PLXDC2: variants seen among roughly 807,000 people sequenced by gnomAD.
PLXDC2 encodes plexin domain-containing protein 2.
PLXDC2 carries 40 observed loss-of-function variants against 68.9 expected under a neutral mutation model. That is an observed-to-expected ratio of 0.58 (90% CI 0.45 to 0.76). The LOEUF (loss-of-function observed/expected upper bound fraction) is 0.76. Ranked by LOEUF, PLXDC2 falls within the 30% of genes least tolerant of loss-of-function variation. The pLI, the probability that PLXDC2 is intolerant of heterozygous loss-of-function variation, is 0.00. For synonymous variants in PLXDC2, 243 were observed against 234.2 expected, an observed-to-expected ratio of 1.04 and a Z score of -0.34; for missense variants, 644 against 661.9, an observed-to-expected ratio of 0.97 and a Z score of 0.30.
intron 12 of PLXDC2, among the ~76,000 whole-genome samples, chr10:20,242,176 TAAGAA>T (rs1835525075): frequency 6.6e-6 from 1 of 151,964 alleles, no homozygotes; most frequent in African/African-American, 2.4e-5. Context: ...CTTATAAAAA[TAAGAA>T]AATAGACAAG....
intron 2 of PLXDC2, among the ~76,000 whole-genome samples, chr10:20,025,679 C>G (rs1835388383): frequency 6.6e-6 from 1 of 151,980 alleles, no homozygotes; most frequent in Non-Finnish European, 1.5e-5. Flanking sequence ...TTGTTGGCTG[C>G]TGGTATGTCT....
intron 1 of PLXDC2, among the ~76,000 whole-genome samples, chr10:19,981,044 A>G (rs542425853): frequency 6.6e-5 from 10 of 152,208 alleles, no homozygotes; most frequent in Non-Finnish European, 1.5e-4. Flanking sequence ...TGTGACAAGT[A>G]TAAGATTTTT....
intron 12 of PLXDC2, among the ~76,000 whole-genome samples, chr10:20,244,188 A>G (rs1322281670): frequency 1.3e-5 from 2 of 152,246 alleles, no homozygotes; most frequent in Non-Finnish European, 2.9e-5. Context: ...GGTGCACTTA[A>G]GATACAACTT....
In PLXDC2 at chr10:20,245,400, C is replaced by A; in HGVS notation, c.1368C>A (p.Leu456=). 1 of 1,614,100 alleles carries A rather than the reference C, an allele frequency of 6.2e-7. No individual in the cohort carries two copies. The highest frequency in any genetic ancestry group is 1.1e-5 in the South Asian group (1 of 91,080). Residue 456 remains leucine (L), a synonymous_variant, in exon 13 of 14, where the codon CTC becomes CTA. Coordinates refer to ENST00000377252, the MANE Select transcript of PLXDC2 (RefSeq NM_032812.9). ...AAGGGGGAACCCTCCACGCTGGCCT[C>A]ATCATTGGAATCCTCATCCTGGTCC... is the stretch of plus-strand genomic sequence containing the variant. ...EKKGGTLHAG[L]IIGILILVLI...
At chr10:20,198,437 TTTTATTTTTAA>T (rs1472896634) in intron 9 of PLXDC2, among the ~76,000 whole-genome samples, 4 of 152,116 alleles carry the variant, frequency 2.6e-5, no homozygotes, top group African/African-American at 7.2e-5. Flanking sequence ...AATCCCAATG[TTTTATTTTTAA>T]TTTATTTTTA....
chr10:19,872,745 G>T (rs1837562774), intron 1 of PLXDC2, among the ~76,000 whole-genome samples: 1 of 152,028 alleles, frequency 6.6e-6, no homozygotes, highest in Non-Finnish European at 1.5e-5. Context: ...GCATCCATGA[G>T]TTCCCTCCAG....
chr10:20,110,959 C>A (rs1833552803), intron 4 of PLXDC2, among the ~76,000 whole-genome samples: 1 of 152,176 alleles, frequency 6.6e-6, no homozygotes, highest in East Asian at 1.9e-4. Flanking sequence ...CCTCTGACAC[C>A]TATTGGGCTC....
intron 13 of PLXDC2, among the ~76,000 whole-genome samples, chr10:20,274,491 T>C (rs1357726299): frequency 6.6e-6 from 1 of 152,126 alleles, no homozygotes; most frequent in African/African-American, 2.4e-5. Flanking sequence ...GAAGGCAACA[T>C]ATCAACGACA....
intron 6 of PLXDC2, among the ~76,000 whole-genome samples, chr10:20,161,624 C>T (rs1834293414): frequency 6.6e-6 from 1 of 150,642 alleles, no homozygotes; most frequent in African/African-American, 2.4e-5. Flanking sequence ...GAGGGCTTGA[C>T]ATAGACCCAA....
In PLXDC2 at chr10:19,839,655, T is replaced by G. The variant is rs184461133; in HGVS notation, c.112+22464T>G. ...TTGGTGTTTTTTTTTTTTGTGATGA[T>G]TAAAATATGAAACAGAGAATTCTTA... On this transcript the variant is annotated intron_variant, in intron 1 of 13. Transcript: ENST00000377252. Among the ~76,000 whole-genome samples, 122 of 151,324 alleles carry G rather than the reference T, an allele frequency of 8.1e-4. 1 individual carries two copies. The East Asian group carries it at 0.021, about 26-fold the overall frequency.
intron 1 of PLXDC2, among the ~76,000 whole-genome samples, chr10:19,945,528 G>T (rs1013754468): frequency 1.3e-5 from 2 of 152,184 alleles, no homozygotes; most frequent in Non-Finnish European, 2.9e-5. Flanking sequence ...CTTGGCCTTG[G>T]TTTTTTATTC....
chr10:19,911,938 G>A (rs1397191298), intron 1 of PLXDC2, among the ~76,000 whole-genome samples: 2 of 152,160 alleles, frequency 1.3e-5, no homozygotes, highest in South Asian at 2.1e-4. Flanking sequence ...TCTCTGAAAT[G>A]TCTGTCTGCT....
chr10:20,163,466 C>G (rs1834333583), intron 6 of PLXDC2, among the ~76,000 whole-genome samples: 1 of 151,324 alleles, frequency 6.6e-6, no homozygotes, highest in Non-Finnish European at 1.5e-5. Flanking sequence ...CAACTTATTC[C>G]CCTTCTTATT....
At position 20,284,226 on chromosome 10, in the gene PLXDC2, C is replaced by T. The variant is rs1181486455; in HGVS notation, c.*4407C>T. The T allele has an allele frequency of 6.6e-6, 1 of 151,372 alleles. No homozygotes were observed. Among genetic ancestry groups the T allele is most frequent in the African/African-American group, 2.4e-5 (1 of 41,176 alleles). 9.4% of individuals were successfully genotyped at this position (151,372 alleles called of 1,614,324 possible). On this transcript the variant is annotated 3_prime_UTR_variant, in exon 14 of 14. Transcript: ENST00000377252. The stretch of plus-strand genomic sequence containing the variant: ...GCTGCTTTTACTTCACGACCTCCAA[C>T]CCCACTTTTGTTATCAGCGTCATAT...
At chr10:20,062,148 G>A (rs1836116622) in intron 3 of PLXDC2, among the ~76,000 whole-genome samples, 1 of 152,202 alleles carries the variant, frequency 6.6e-6, no homozygotes. Flanking sequence ...TAAATAGGCT[G>A]GGCACGGTGG....
At chr10:19,977,220 G>A (rs899387305) in intron 1 of PLXDC2, among the ~76,000 whole-genome samples, 5 of 152,110 alleles carry the variant, frequency 3.3e-5, no homozygotes, top group South Asian at 2.1e-4. Context: ...TCTTTTTATC[G>A]GTCTTTTGTG....
chr10:20,086,431 A>G (rs929307669), intron 4 of PLXDC2, among the ~76,000 whole-genome samples: 1 of 151,584 alleles, frequency 6.6e-6, no homozygotes, highest in Admixed American at 6.6e-5. Context: ...GCTTCAAGCA[A>G]TCCTCCCACC....
chr10:20,288,745 C>G lies in PLXDC2; in HGVS notation c.*8926C>G, dbSNP rs991781829. 3 of 152,140 alleles carry G rather than the reference C, an allele frequency of 2.0e-5. No individual in the cohort carries two copies. The South Asian group carries it at 6.2e-4, about 31-fold the overall frequency. 9.4% of individuals were successfully genotyped at this position (152,140 alleles called of 1,614,324 possible). A position where few individuals can be genotyped will look rare whatever the true frequency, so the allele number is the denominator to read the frequency against. ...AAACCAAGTTTCTCTGCAGCTCTTT[C>G]GGTTCTGCTTACAGTGTGTGGGAAA... On this transcript the variant is annotated 3_prime_UTR_variant, in exon 14 of 14. Transcript: ENST00000377252.
At chr10:19,973,607 G>A (rs1257993710) in intron 1 of PLXDC2, among the ~76,000 whole-genome samples, 3 of 152,062 alleles carry the variant, frequency 2.0e-5, no homozygotes, top group Non-Finnish European at 2.9e-5. Flanking sequence ...AAAGACATAC[G>A]TTTTAGGTTT....
Sources: gnomAD v4.1 joint callset for allele counts (sites outside exome capture counted in the v4.1 genomes callset) on GRCh38, gnomAD v4.1.1 for gene constraint, MANE v1.5 for transcripts, NCBI Gene and HGNC (gene_info 2026-07-23, HGNC 2026-07-21) for gene names.